Variants in PACRG observed in about 807,000 individuals in gnomAD.
The protein encoded by PACRG is parkin coregulated gene protein.
PACRG carries 29 observed loss-of-function variants against 29.7 expected under a neutral mutation model. The observed-to-expected ratio is 0.98, with a 90% CI of 0.73 to 1.33. The LOEUF (loss-of-function observed/expected upper bound fraction) is 1.33. Among genes scored for constraint, PACRG ranks in the 40% most tolerant of loss-of-function variants. The probability of loss-of-function intolerance (pLI) is 0.00; values close to 1 mark genes in which losing one functional copy is unlikely to be tolerated. For synonymous variants in PACRG, 116 were observed against 118.7 expected (o/e 0.98, Z 0.15); for missense variants, 279 against 316.2 (o/e 0.88, Z 0.89).
intron 4 of PACRG, chr6:163,310,512 G>C (rs1361950411): frequency 3.3e-5 from 5 of 152,226 alleles, no homozygotes; most frequent in Non-Finnish European, 7.3e-5. Flanking sequence ...CTGTGAAACA[G>C]CTGCAGCTGC....
At chr6:163,072,802 A>G (rs953745321) in intron 3 of PACRG, among the ~76,000 whole-genome samples, 1 of 152,176 alleles carries the variant, frequency 6.6e-6, no homozygotes, top group Non-Finnish European at 1.5e-5. Flanking sequence ...TAGCATTTCC[A>G]TATACCAAGA....
chr6:163,018,320 T>A (rs899457164), intron 2 of PACRG, among the ~76,000 whole-genome samples: 1 of 152,184 alleles, frequency 6.6e-6, no homozygotes, highest in African/African-American at 2.4e-5. Context: ...CTTCCTAGTT[T>A]CATAAGTAAA....
intron 2 of PACRG, among the ~76,000 whole-genome samples, chr6:162,975,880 C>T (rs1801910726): frequency 2.0e-5 from 3 of 152,034 alleles, no homozygotes; most frequent in South Asian, 2.1e-4. Flanking sequence ...TCAAGTCCTA[C>T]CATACCGAGT....
At chr6:163,232,495 A>G (rs1176530528) in intron 4 of PACRG, among the ~76,000 whole-genome samples, 1 of 152,182 alleles carries the variant, frequency 6.6e-6, no homozygotes, top group Non-Finnish European at 1.5e-5. Flanking sequence ...AGGAGAAGGA[A>G]GAAGGCAGTG....
At chr6:163,049,923 T>C (rs1329042859) in intron 2 of PACRG, among the ~76,000 whole-genome samples, 1 of 152,122 alleles carries the variant, frequency 6.6e-6, no homozygotes. Context: ...AAACAGTTCC[T>C]CTTCCAGGAA....
chr6:163,210,069 T>C (rs977591848), intron 4 of PACRG, among the ~76,000 whole-genome samples: 4 of 152,196 alleles, frequency 2.6e-5, no homozygotes, highest in African/African-American at 9.7e-5. Flanking sequence ...ATGAGGACCA[T>C]TGTCACCCGT....
chr6:163,173,734 G>A (rs926872725), intron 4 of PACRG, among the ~76,000 whole-genome samples: 13 of 152,188 alleles, frequency 8.5e-5, no homozygotes, highest in Non-Finnish European at 1.8e-4. Flanking sequence ...CTGAAAACTA[G>A]AGGGCACCTC....
intron 2 of PACRG, among the ~76,000 whole-genome samples, chr6:162,982,824 G>T (rs1460369491): frequency 6.6e-6 from 1 of 151,998 alleles, no homozygotes; most frequent in Non-Finnish European, 1.5e-5. Context: ...AAGTCCATTT[G>T]TTATAAGATA....
At chr6:163,083,082 A>G (rs576366373) in intron 3 of PACRG, among the ~76,000 whole-genome samples, 1 of 152,308 alleles carries the variant, frequency 6.6e-6, no homozygotes, top group East Asian at 1.9e-4. Flanking sequence ...CTGTTTCCAC[A>G]CTGACAGTGT....
chr6:162,926,186 T>G (rs970296756), intron 2 of PACRG, among the ~76,000 whole-genome samples: 1 of 152,126 alleles, frequency 6.6e-6, no homozygotes, highest in Non-Finnish European at 1.5e-5. Context: ...TATTCCATCC[T>G]CATGGATAGG....
At chr6:162,874,871 TCACA>T (rs1297024261) in intron 2 of PACRG, among the ~76,000 whole-genome samples, 2 of 151,570 alleles carry the variant, frequency 1.3e-5, no homozygotes, top group African/African-American at 4.9e-5. Context: ...ATTCTCACAC[TCACA>T]CACCCATTAA....
At position 163,218,300 on chromosome 6, in the gene PACRG, G is replaced by C. The variant is rs560579139; in HGVS notation, c.614-96527G>C. On this transcript the variant is annotated intron_variant, in intron 4 of 4. Transcript: ENST00000366888. The stretch of plus-strand genomic sequence containing the variant: ...CACAGATAGATGCTGAATTCTGGCT[G>C]TACTGAATTCCATCCTCTGTTATCT... Among the ~76,000 whole-genome samples, 4 of 152,260 alleles carry C rather than the reference G, an allele frequency of 2.6e-5. No individual in the cohort carries two copies. The East Asian group carries it at 7.7e-4, about 29-fold the overall frequency.
At chr6:162,867,395 G>A (rs1792386766) in intron 2 of PACRG, among the ~76,000 whole-genome samples, 1 of 152,086 alleles carries the variant, frequency 6.6e-6, no homozygotes, top group Non-Finnish European at 1.5e-5. Flanking sequence ...GGTAACAGAT[G>A]TGAGACTTCT....
chr6:163,215,824 C>T (rs775388115), intron 4 of PACRG, among the ~76,000 whole-genome samples: 1 of 152,170 alleles, frequency 6.6e-6, no homozygotes, highest in South Asian at 2.1e-4. Context: ...AGATCAAAAT[C>T]TCCCAATGCT....
intron 4 of PACRG, among the ~76,000 whole-genome samples, chr6:163,285,003 AC>A (rs372313571): frequency 1.7e-3 from 254 of 152,130 alleles, no homozygotes; most frequent in South Asian, 9.3e-3. Flanking sequence ...TGACCTTCAC[AC>A]CCATCAAATA....
intron 4 of PACRG, among the ~76,000 whole-genome samples, chr6:163,234,926 G>T (rs544896341): frequency 1.3e-5 from 2 of 152,170 alleles, no homozygotes; most frequent in Admixed American, 6.5e-5. Flanking sequence ...TGATTTTGAC[G>T]AAGGAAAGTG....
chr6:163,128,002 G>C (rs550864270), intron 4 of PACRG, among the ~76,000 whole-genome samples: 1 of 152,080 alleles, frequency 6.6e-6, no homozygotes, highest in Non-Finnish European at 1.5e-5. Context: ...CCTTGATTGT[G>C]GTTTATTATT....
At chr6:163,017,793 T>C (rs566488215) in intron 2 of PACRG, among the ~76,000 whole-genome samples, 9 of 152,306 alleles carry the variant, frequency 5.9e-5, no homozygotes, top group African/African-American at 1.7e-4. Context: ...ACATTTTACA[T>C]TTTTACATTT....
At chr6:162,936,005 A>G (rs1024323932) in intron 2 of PACRG, among the ~76,000 whole-genome samples, 1 of 152,166 alleles carries the variant, frequency 6.6e-6, no homozygotes, top group African/African-American at 2.4e-5. Flanking sequence ...GCAATTTACA[A>G]AAGAAAGAGG....
Sources: allele counts gnomAD v4.1 joint callset (sites outside exome capture counted in the v4.1 genomes callset), GRCh38; gene constraint gnomAD v4.1.1; transcripts MANE v1.5; gene names NCBI Gene and HGNC (gene_info 2026-07-23, HGNC 2026-07-21).